The following RIMS2 variants were observed in gnomAD, a reference collection of about 807,000 sequenced individuals.
The protein encoded by RIMS2 is regulating synaptic membrane exocytosis protein 2.
Under a neutral mutation model 174.4 loss-of-function variants are expected in RIMS2, and 59 were observed. That is an observed-to-expected ratio of 0.34 (90% confidence interval 0.27 to 0.42). The LOEUF (loss-of-function observed/expected upper bound fraction) is 0.42. RIMS2 is among the 10% of genes least tolerant of loss of function. RIMS2 has a pLI of 1.00. For synonymous variants in RIMS2, 606 were observed against 572.5 expected, an observed-to-expected ratio of 1.06 and a Z score of -0.84; for missense variants, 1,620 against 1,666.3, an observed-to-expected ratio of 0.97 and a Z score of 0.48.
At chr8:104,133,678 T>C (rs1210923622) in intron 19 of RIMS2, among the ~76,000 whole-genome samples, 4 of 152,136 alleles carry the variant, frequency 2.6e-5, no homozygotes, top group African/African-American at 9.7e-5. Context: ...GAGAGTGGCA[T>C]GGATTTGAAT....
At chr8:103,649,451 G>T (rs1402386994) in intron 1 of RIMS2, among the ~76,000 whole-genome samples, 2 of 151,848 alleles carry the variant, frequency 1.3e-5, no homozygotes, top group African/African-American at 4.8e-5. Flanking sequence ...TATCTTACTG[G>T]GGTTCTCTAT....
chr8:103,759,583 A>G (rs1255200935), intron 2 of RIMS2, among the ~76,000 whole-genome samples: 3 of 151,450 alleles, frequency 2.0e-5, no homozygotes, highest in East Asian at 1.9e-4. Context: ...AAAAAAAAAA[A>G]AAAAAGAAAA....
At chr8:104,013,678 A>G in intron 18 of RIMS2, 57 bp downstream of exon 20, 1 of 1,437,702 alleles carries the variant, frequency 7.0e-7, no homozygotes, top group Non-Finnish European at 9.7e-7. Context: ...ACACCATTTT[A>G]TTTTCCCAAC....
intron 19 of RIMS2, among the ~76,000 whole-genome samples, chr8:104,113,311 A>G (rs1281240683): frequency 6.6e-6 from 1 of 152,132 alleles, no homozygotes; most frequent in Admixed American, 6.6e-5. Flanking sequence ...CGATATCACT[A>G]ATAGTTGATT....
At chr8:103,887,254 G>C (rs2099208999) in intron 4 of RIMS2, among the ~76,000 whole-genome samples, 1 of 150,580 alleles carries the variant, frequency 6.6e-6, no homozygotes, top group African/African-American at 2.4e-5. Context: ...TCTTTCTCTG[G>C]GTATTAGTTT....
intron 16 of RIMS2, among the ~76,000 whole-genome samples, chr8:103,988,055 G>A (rs1422590995): frequency 2.0e-5 from 3 of 152,082 alleles, no homozygotes; most frequent in African/African-American, 7.2e-5. Context: ...TTACAAACTT[G>A]TTCTAGGCAT....
chr8:103,629,220 C>T (rs1422813773), intron 1 of RIMS2, among the ~76,000 whole-genome samples: 1 of 152,156 alleles, frequency 6.6e-6, no homozygotes, highest in Non-Finnish European at 1.5e-5. Context: ...GCCAGAATAC[C>T]ATATCCTCTC....
intron 12 of RIMS2, among the ~76,000 whole-genome samples, chr8:103,932,395 C>T (rs1487903616): frequency 1.3e-5 from 2 of 152,168 alleles, no homozygotes. Context: ...TTATTTGATA[C>T]ATATTTTGAA....
At position 103,695,363 on chromosome 8, in the gene RIMS2, C is replaced by T. The variant is rs114489267; in HGVS notation, c.177-1723C>T. 2.4e-3 allele frequency among the ~76,000 whole-genome samples: 370 copies of T among 152,192 alleles called. 4 individuals carry two copies. Among genetic ancestry groups the T allele is most frequent in the African/African-American group, 8.5e-3 (355 of 41,534 alleles). ...GTCTCCATTGATTTTTTTCATAAAA[C>T]CAGCATTTGGTTTCATTGATTTCTG... On this transcript the variant is annotated intron_variant, in intron 1 of 23. Coordinates refer to ENST00000504942, the Ensembl canonical transcript of RIMS2.
At chr8:103,551,974 A>G (rs907410256) in intron 1 of RIMS2, among the ~76,000 whole-genome samples, 2 of 152,336 alleles carry the variant, frequency 1.3e-5, no homozygotes, top group Admixed American at 6.5e-5. Context: ...ATGGAAGAAC[A>G]TTCCATGCTC....
intron 3 of RIMS2, among the ~76,000 whole-genome samples, chr8:103,806,616 TTGTG>T (rs754183766): frequency 2.7e-5 from 4 of 150,322 alleles, no homozygotes; most frequent in African/African-American, 9.8e-5. Flanking sequence ...TGATATTATT[TTGTG>T]TGTGTGTGTG....
chr8:104,198,556 T>G (rs2099037465), intron 19 of RIMS2, among the ~76,000 whole-genome samples: 1 of 152,226 alleles, frequency 6.6e-6, no homozygotes, highest in Non-Finnish European at 1.5e-5. Context: ...TTGAAATAAC[T>G]AATTCTTACA....
intron 20 of RIMS2, among the ~76,000 whole-genome samples, chr8:104,247,928 A>G (rs759924947): frequency 1.3e-5 from 2 of 152,192 alleles, no homozygotes; most frequent in Non-Finnish European, 2.9e-5. Flanking sequence ...AAAAAAGATA[A>G]AAGGTCAAAG....
intron 17 of RIMS2, among the ~76,000 whole-genome samples, chr8:104,011,524 A>G (rs1234096188): frequency 6.6e-6 from 1 of 152,072 alleles, no homozygotes; most frequent in Non-Finnish European, 1.5e-5. Flanking sequence ...GACATAGGAC[A>G]TAGCAACACA....
intron 19 of RIMS2, among the ~76,000 whole-genome samples, chr8:104,072,474 A>G (rs2097212195): frequency 6.6e-6 from 1 of 152,160 alleles, no homozygotes; most frequent in South Asian, 2.1e-4. Context: ...ATCCAGGTCC[A>G]CATAGCCACT....
At chr8:103,608,177 G>T in intron 1 of RIMS2, among the ~76,000 whole-genome samples, 1 of 144,976 alleles carries the variant, frequency 6.9e-6, no homozygotes, top group East Asian at 1.9e-4. Flanking sequence ...ATGGGTTTTT[G>T]GTGTGGATGT....
In RIMS2 at chr8:104,176,016, C is replaced by T. The variant is rs201516966; in HGVS notation, c.3335-68900C>T. On this transcript the variant is annotated intron_variant, in intron 19 of 23. Coordinates refer to ENST00000504942, the Ensembl canonical transcript of RIMS2. ...TCCTACCCAACTTCTCAGGATGGCA[C>T]ATTCATATTCTCATTCTCTCTCTCT... Among the ~76,000 whole-genome samples, 6 of 151,958 alleles carry T rather than the reference C, an allele frequency of 3.9e-5. No individual in the cohort carries two copies. In the East Asian group the frequency reaches 9.6e-4, roughly 24 times the overall value.
chr8:103,620,246 G>T (rs1489974723), intron 1 of RIMS2, among the ~76,000 whole-genome samples: 1 of 152,066 alleles, frequency 6.6e-6, no homozygotes, highest in Non-Finnish European at 1.5e-5. Context: ...TTTTTCCTCT[G>T]ACACCAAAGA....
At chr8:103,531,193 A>C (rs1423653034) in intron 1 of RIMS2, among the ~76,000 whole-genome samples, 9 of 152,066 alleles carry the variant, frequency 5.9e-5, no homozygotes, top group African/African-American at 2.2e-4. Flanking sequence ...TGTGCACACT[A>C]AACAACTGCA....
Sources: allele counts gnomAD v4.1 joint callset (sites outside exome capture counted in the v4.1 genomes callset), GRCh38; gene constraint gnomAD v4.1.1; transcripts MANE v1.5; gene names NCBI Gene and HGNC (gene_info 2026-07-23, HGNC 2026-07-21).